MAST3: variants seen among roughly 807,000 people sequenced by gnomAD.
The protein encoded by MAST3 is microtubule-associated serine/threonine-protein kinase 3.
A neutral mutation model predicts 127.0 loss-of-function variants in MAST3; 43 were observed. The observed-to-expected ratio is 0.34, with a 90% CI of 0.27 to 0.44. The LOEUF (loss-of-function observed/expected upper bound fraction) is 0.44. Among genes scored for constraint, MAST3 ranks in the 20% least tolerant of loss-of-function variants. The pLI is 1.00. For missense variants in MAST3, 1,390 were observed against 1,919.1 expected, an observed-to-expected ratio of 0.72 and a Z score of 5.15; for synonymous variants, 785 against 809.2, an observed-to-expected ratio of 0.97 and a Z score of 0.51.
chr19:18,143,627 G>T, intron 21 of MAST3, 136 bp from the exon 22 acceptor site: 1 of 1,101,944 alleles, frequency 9.1e-7, no homozygotes, highest in Non-Finnish European at 1.3e-6. Context: ...GGACAGTGCA[G>T]ACAGAAGGAA....
chr19:18,106,870 C>T (rs753390307), intron 1 of MAST3, among the ~76,000 whole-genome samples: 7 of 151,630 alleles, frequency 4.6e-5, no homozygotes, highest in Non-Finnish European at 8.8e-5. Context: ...TGCGCCTGAC[C>T]GGCCCGGCCT....
chr19:18,119,308 G>T, intron 3 of MAST3, among the ~76,000 whole-genome samples: 1 of 152,198 alleles, frequency 6.6e-6, no homozygotes, highest in East Asian at 1.9e-4. Context: ...GATCGGGGAG[G>T]GAGGGTGCTG....
Position 18,112,555 on chromosome 19 carries a change from G to A in MAST3, c.161+1814G>A, listed in dbSNP as rs530910145. 1.3e-5 allele frequency among the ~76,000 whole-genome samples: 2 copies of A among 152,224 alleles called. No homozygotes were observed. Among genetic ancestry groups the A allele is most frequent in the East Asian group, 1.9e-4 (1 of 5,192 alleles). Reference sequence around the variant, plus strand: ...TCACCATGTTAGCTAGGCTGGTCTCGAGCTCCCGACCTCAAGTGATTCTCC... The same window carrying A: ...TCACCATGTTAGCTAGGCTGGTCTCAAGCTCCCGACCTCAAGTGATTCTCC... On this transcript the variant is annotated intron_variant, in intron 3 of 27. Transcript: ENST00000687212. This position sits in a 1 kb window ranked among gnomAD's most constrained non-coding sequence, Gnocchi z 4.1.
chr19:18,124,525 C>A, intron 10 of MAST3, 117 bp from the exon 11 acceptor site: 1 of 1,395,608 alleles, frequency 7.2e-7, no homozygotes, highest in Non-Finnish European at 9.8e-7. Context: ...AAGGAGGCAG[C>A]GGGAGTGGAG....
Position 18,151,497 on chromosome 19 carries a change from C to T in MAST3, c.*1771C>T, listed in dbSNP as rs2043523204. 1 of 152,232 alleles carries T rather than the reference C, an allele frequency of 6.6e-6. No homozygotes were observed. The highest frequency in any genetic ancestry group is 6.5e-5 in the Admixed American group (1 of 15,280). 9.4% of individuals were successfully genotyped at this position (152,232 alleles called of 1,614,324 possible). On this transcript the variant is annotated 3_prime_UTR_variant, in exon 28 of 28. Coordinates refer to ENST00000687212, the MANE Select transcript of MAST3 (RefSeq NM_001393504.1). The stretch of plus-strand genomic sequence containing the variant: ...AGCCGACTCCAGCCCCAGCTCATCC[C>T]CCATGATGCTGTGTGACCCACTGGG...
intron 2 of MAST3, among the ~76,000 whole-genome samples, chr19:18,108,070 C>G (rs184378239): frequency 6.6e-6 from 1 of 152,284 alleles, no homozygotes; most frequent in African/African-American, 2.4e-5. Flanking sequence ...GCAGGCAGAT[C>G]ACTTGAGGCC....
rs1312618113 is a variant in MAST3 at position 18,110,678 on chromosome 19, C to T, written c.98C>T (p.Ser33Phe). ...CTGTCTCCGAGCAGCCAGAGCCCGT[C>T]CCTGCTGGGTCCCAGCAGCCCCTGC... Reference protein sequence around the residue: ...RGLSPSSQSPSLLGPSSPCSP... With the variant: ...RGLSPSSQSPFLLGPSSPCSP... Residue 33 changes from serine to phenylalanine, a missense_variant, in exon 3 of 28, where the codon TCC (serine) becomes TTC (phenylalanine). Ser to Phe is a radical substitution (Grantham distance 155). This residue lies in a region of MAST3 where 61 missense variants were observed against 78.2 expected (regional missense o/e 0.78). Coordinates refer to ENST00000687212, the MANE Select transcript of MAST3 (RefSeq NM_001393504.1). This position sits in a 1 kb window ranked among gnomAD's most constrained non-coding sequence, Gnocchi z 4.3. 1.0e-6 allele frequency: 1 copy of T among 985,800 alleles called. No individual in the cohort carries two copies. Among genetic ancestry groups the T allele is most frequent in the East Asian group, 1.1e-4 (1 of 8,804 alleles). 61.1% of individuals were successfully genotyped at this position (985,800 alleles called of 1,614,324 possible). A position where few individuals can be genotyped will look rare whatever the true frequency, so the allele number is the denominator to read the frequency against.
In MAST3 at chr19:18,110,584, G is replaced by T; in HGVS notation, c.72-68G>T. 1.1e-6 allele frequency: 1 copy of T among 893,136 alleles called. No homozygotes were observed. The highest frequency in any genetic ancestry group is 1.3e-6 in the Non-Finnish European group (1 of 745,484). The allele number at this position is 893,136 out of a possible 1,614,324, so 55.3% of individuals were successfully genotyped here. On this transcript the variant is annotated intron_variant, in intron 2 of 27. Coordinates refer to ENST00000687212, the MANE Select transcript of MAST3 (RefSeq NM_001393504.1). The surrounding 1 kb of genome is among the most constrained non-coding windows in gnomAD (Gnocchi z 4.3). ...CTGAGGGAACCGCAGCCGCCATCCG[G>T]AGATCCGGATTCGGCCACACGAAGG...
At chr19:18,098,214 A>G (rs1046089934) in intron 1 of MAST3, among the ~76,000 whole-genome samples, 1 of 152,158 alleles carries the variant, frequency 6.6e-6, no homozygotes, top group Non-Finnish European at 1.5e-5. Context: ...ATATGTATTA[A>G]TACCTCCTTG....
intron 18 of MAST3, among the ~76,000 whole-genome samples, chr19:18,136,969 C>T (rs1350108184): frequency 6.6e-6 from 1 of 152,192 alleles, no homozygotes; most frequent in South Asian, 2.1e-4. Context: ...ATACAGGCAC[C>T]AGCCACCACA....
At position 18,118,089 on chromosome 19, in the gene MAST3, G is replaced by A. The variant is rs1246983629; in HGVS notation, c.162-3596G>A. ...CCCCCCTCCCTGTCCGGCTCCGCGG[G>A]GCTCCTGGGGCCGATCCCACCGCCG... On this transcript the variant is annotated intron_variant, in intron 3 of 27. Transcript: ENST00000687212. 8 of 985,340 alleles carry A rather than the reference G, an allele frequency of 8.1e-6. No individual in the cohort carries two copies. In the East Asian group the frequency reaches 6.8e-4, roughly 84 times the overall value. 61.0% of individuals were successfully genotyped at this position (985,340 alleles called of 1,614,324 possible).
chr19:18,146,438 C>A (rs1026612722), intron 25 of MAST3, among the ~76,000 whole-genome samples: 1 of 152,024 alleles, frequency 6.6e-6, no homozygotes, highest in African/African-American at 2.4e-5. Context: ...CAGAGTGAGA[C>A]CCTCCCTGGT....
At position 18,131,994 on chromosome 19, in the gene MAST3, G is replaced by C; in HGVS notation, c.1518G>C (p.Ala506=). The C allele has an allele frequency of 1.2e-6, 2 of 1,614,190 alleles. No individual in the cohort carries two copies. Among genetic ancestry groups the C allele is most frequent in the South Asian group, 2.2e-5 (2 of 91,088 alleles). ...ARLYFAETVL[A]LEYLHNYGIV... is the part of the protein sequence containing the mutation. Reference sequence around the variant, plus strand: ...TGTACTTCGCCGAGACGGTGTTGGCGCTGGAGTACCTGCATAACTATGGCA... The same window carrying C: ...TGTACTTCGCCGAGACGGTGTTGGCCCTGGAGTACCTGCATAACTATGGCA... The change falls in exon 15 of 28, where the codon GCG becomes GCC. Residue 506 remains alanine (A), a synonymous_variant. Coordinates refer to ENST00000687212, the MANE Select transcript of MAST3 (RefSeq NM_001393504.1).
Position 18,132,174 on chromosome 19 carries a change from T to G in MAST3, c.1571+127T>G. ...CGGGACCCTTCAGGAGCCCCATCTG[T>G]CTGAGCTCTGTTGGTACCTCCTGAC... On this transcript the variant is annotated intron_variant, in intron 15 of 27. Transcript: ENST00000687212. 3 of 1,298,472 alleles carry G rather than the reference T, an allele frequency of 2.3e-6. No homozygotes were observed. In the South Asian group the frequency reaches 4.3e-5, roughly 19 times the overall value. 80.4% of individuals were successfully genotyped at this position (1,298,472 alleles called of 1,614,324 possible). A position where few individuals can be genotyped will look rare whatever the true frequency, so the allele number is the denominator to read the frequency against.
intron 14 of MAST3, 89 bp downstream of exon 14, chr19:18,130,791 G>T (rs2041192391): frequency 1.4e-5 from 18 of 1,305,380 alleles, no homozygotes; most frequent in Non-Finnish European, 1.9e-5. Flanking sequence ...GTTGAGGTCT[G>T]TTCTGTCCTC....
intron 3 of MAST3, among the ~76,000 whole-genome samples, chr19:18,117,704 A>G (rs942633717): frequency 2.6e-5 from 4 of 152,190 alleles, no homozygotes; most frequent in Non-Finnish European, 4.4e-5. Context: ...GAGAGAGGAA[A>G]AAGATGGAGG....
chr19:18,137,442 G>C (rs900888821), intron 19 of MAST3, 81 bp downstream of exon 19: 1 of 1,474,900 alleles, frequency 6.8e-7, no homozygotes, highest in African/African-American at 1.4e-5. Context: ...CTGTGTGCCA[G>C]GCATTCCACC....
chr19:18,109,682 G>C (rs1256146815), intron 2 of MAST3, among the ~76,000 whole-genome samples: 1 of 152,162 alleles, frequency 6.6e-6, no homozygotes, highest in Non-Finnish European at 1.5e-5. Flanking sequence ...GGCTGGTGGG[G>C]TTGGGATCGT....
At chr19:18,140,127 C>A (rs1488583176) in intron 20 of MAST3, among the ~76,000 whole-genome samples, 1 of 152,080 alleles carries the variant, frequency 6.6e-6, no homozygotes, top group South Asian at 2.1e-4. Flanking sequence ...CCTGTTTTAG[C>A]CATTTTAAGG....
Sources: allele counts gnomAD v4.1 joint callset (sites outside exome capture counted in the v4.1 genomes callset), GRCh38; gene constraint gnomAD v4.1.1; regional missense constraint gnomAD v4.1.1; non-coding constraint Gnocchi (gnomAD v3.1); transcripts MANE v1.5; gene names NCBI Gene and HGNC (gene_info 2026-07-23, HGNC 2026-07-21).